Variants in FRY observed in about 807,000 individuals in gnomAD.
The protein encoded by FRY is protein furry homolog.
Under a neutral mutation model 348.4 loss-of-function variants are expected in FRY, and 128 were observed. The ratio of observed to expected loss-of-function variants is 0.37; its 90% confidence interval spans 0.32 to 0.43. The LOEUF (loss-of-function observed/expected upper bound fraction) is 0.43. Ranked by LOEUF, FRY falls within the 20% of genes least tolerant of loss-of-function variation. FRY has a pLI of 1.00. For synonymous variants in FRY, 1,370 were observed against 1,374.7 expected, an observed-to-expected ratio of 1.00 and a Z score of 0.08; for missense variants, 2,736 against 3,695.2, an observed-to-expected ratio of 0.74 and a Z score of 6.73.
intron 29 of FRY, among the ~76,000 whole-genome samples, chr13:32,197,409 A>G (rs1883739764): frequency 6.6e-6 from 1 of 152,202 alleles, no homozygotes; most frequent in East Asian, 1.9e-4. Flanking sequence ...TCCCTAACTG[A>G]TGATAAATAG....
intron 17 of FRY, among the ~76,000 whole-genome samples, chr13:32,164,116 A>C (rs988271956): frequency 7.9e-5 from 12 of 152,178 alleles, no homozygotes; most frequent in Admixed American, 6.5e-5. Flanking sequence ...CCCTCTTCAG[A>C]TCTCCTTGAG....
chr13:32,244,721 T>C (rs186495236), intron 47 of FRY, among the ~76,000 whole-genome samples: 105 of 152,322 alleles, frequency 6.9e-4, no homozygotes, highest in African/African-American at 2.5e-3. Flanking sequence ...AAAATGTGAA[T>C]AGTTGATGAA....
intron 4 of FRY, 38 bp downstream of exon 4, chr13:32,117,511 G>C (rs755102000): frequency 1.8e-5 from 29 of 1,604,692 alleles, no homozygotes; most frequent in Non-Finnish European, 2.0e-5. Flanking sequence ...GTTTTATTTT[G>C]TTTTGTTTTC....
intron 58 of FRY, among the ~76,000 whole-genome samples, chr13:32,282,661 T>C (rs577572953): frequency 6.6e-6 from 1 of 152,326 alleles, no homozygotes; most frequent in Non-Finnish European, 1.5e-5. Context: ...TGAAAGACAA[T>C]ATATATCTTT....
At chr13:32,048,272 CT>C (rs1190653813) in intron 1 of FRY, among the ~76,000 whole-genome samples, 2 of 152,114 alleles carry the variant, frequency 1.3e-5, no homozygotes, top group Non-Finnish European at 2.9e-5. Flanking sequence ...AGTGTTTTGT[CT>C]TTTGGGATCT....
chr13:32,222,107 A>G (rs2138401121), intron 36 of FRY, among the ~76,000 whole-genome samples: 1 of 152,192 alleles, frequency 6.6e-6, no homozygotes, highest in Non-Finnish European at 1.5e-5. Context: ...TAATAAGGTG[A>G]TATTAGGGCA....
chr13:32,104,448 C>T (rs1181519739), intron 3 of FRY, among the ~76,000 whole-genome samples: 1 of 152,214 alleles, frequency 6.6e-6, no homozygotes, highest in African/African-American at 2.4e-5. Context: ...CACATTAACG[C>T]TTGAGAAGCC....
chr13:32,240,373 C>T (rs757047183), intron 46 of FRY, among the ~76,000 whole-genome samples: 2 of 152,180 alleles, frequency 1.3e-5, no homozygotes, highest in African/African-American at 2.4e-5. Flanking sequence ...ATCCTAATTA[C>T]GCTGGGTGTT....
chr13:32,146,099 C>T (rs1880427201), intron 11 of FRY, among the ~76,000 whole-genome samples: 1 of 152,116 alleles, frequency 6.6e-6, no homozygotes. Flanking sequence ...TTCCCAGGCT[C>T]CAAAACAGGA....
chr13:32,087,087 G>T (rs1220385769), intron 2 of FRY, among the ~76,000 whole-genome samples: 1 of 152,178 alleles, frequency 6.6e-6, no homozygotes, highest in Non-Finnish European at 1.5e-5. Context: ...TTGCTAACAT[G>T]AAAGAAGTAA....
intron 1 of FRY, among the ~76,000 whole-genome samples, chr13:32,061,695 C>T (rs1873951001): frequency 6.6e-6 from 1 of 151,968 alleles, no homozygotes; most frequent in African/African-American, 2.4e-5. Flanking sequence ...AAATATTTTT[C>T]CTTTTTGTTT....
At chr13:32,099,195 T>C (rs1251428164) in intron 2 of FRY, among the ~76,000 whole-genome samples, 3 of 152,008 alleles carry the variant, frequency 2.0e-5, no homozygotes, top group African/African-American at 7.3e-5. Context: ...ATATAACTTT[T>C]GCATTGTTTC....
chr13:32,045,517 T>C (rs1258932722), intron 1 of FRY, among the ~76,000 whole-genome samples: 2 of 152,232 alleles, frequency 1.3e-5, no homozygotes, highest in African/African-American at 4.8e-5. Context: ...TAGACAGGGA[T>C]TGCATGACAA....
At chr13:32,151,466 G>A (rs1445517421) in intron 14 of FRY, among the ~76,000 whole-genome samples, 2 of 152,240 alleles carry the variant, frequency 1.3e-5, no homozygotes, top group African/African-American at 2.4e-5. Context: ...CATAGTCTGC[G>A]AAGCAGATGT....
chr13:32,090,368 AAAAAG>A (rs1471339700), intron 2 of FRY, among the ~76,000 whole-genome samples: 1 of 151,040 alleles, frequency 6.6e-6, no homozygotes, highest in Non-Finnish European at 1.5e-5. Flanking sequence ...AAAAAAAAAA[AAAAAG>A]GAAACCACAG....
chr13:32,032,191 G>A lies in FRY; in HGVS notation c.70+326G>A, dbSNP rs760729673. Among the ~76,000 whole-genome samples, 51 of 152,256 alleles carry A rather than the reference G, an allele frequency of 3.3e-4. 1 individual carries two copies. Among genetic ancestry groups the A allele is most frequent in the Middle Eastern group, 3.4e-3 (1 of 294 alleles). On this transcript the variant is annotated intron_variant, in intron 1 of 60. Coordinates refer to ENST00000542859, the MANE Select transcript of FRY (RefSeq NM_023037.3). Reference sequence around the variant, plus strand: ...CCCTTCAGACTCTGGGGGAGCTCAGGATCAGGCATTCCTGGCTGCATTTCC... The same window carrying A: ...CCCTTCAGACTCTGGGGGAGCTCAGAATCAGGCATTCCTGGCTGCATTTCC...
rs1406732882 is a variant in FRY at position 32,147,403 on chromosome 13, T to A, written c.1283+18T>A. On this transcript the variant is annotated intron_variant, in intron 12 of 60. Coordinates refer to ENST00000542859, the MANE Select transcript of FRY (RefSeq NM_023037.3). Reference sequence around the variant, plus strand: ...ACTCAGAGGTAAGATTTGGCTTGTGTCAATGGTAACCATATCACTCAGCCA... The same window carrying A: ...ACTCAGAGGTAAGATTTGGCTTGTGACAATGGTAACCATATCACTCAGCCA... 1 of 1,406,086 alleles carries A rather than the reference T, an allele frequency of 7.1e-7. No individual in the cohort carries two copies. Among genetic ancestry groups the A allele is most frequent in the East Asian group, 2.3e-5 (1 of 43,940 alleles). 87.1% of individuals were successfully genotyped at this position (1,406,086 alleles called of 1,614,324 possible).
At chr13:32,102,595 G>T (rs770108013) in intron 3 of FRY, among the ~76,000 whole-genome samples, 198 of 152,270 alleles carry the variant, frequency 1.3e-3, no homozygotes, top group Middle Eastern at 3.4e-3. Flanking sequence ...TGAACAAAAT[G>T]ATTTAAGACA....
chr13:32,273,205 C>A (rs1888292204), intron 55 of FRY, among the ~76,000 whole-genome samples: 1 of 150,338 alleles, frequency 6.7e-6, no homozygotes, highest in African/African-American at 2.5e-5. Flanking sequence ...TGACCTTAAG[C>A]GAGTCATTTA....
Sources: allele counts gnomAD v4.1 joint callset (sites outside exome capture counted in the v4.1 genomes callset), GRCh38; gene constraint gnomAD v4.1.1; transcripts MANE v1.5; gene names NCBI Gene and HGNC (gene_info 2026-07-23, HGNC 2026-07-21).